The following FHIT variants were observed in gnomAD, a reference collection of about 807,000 sequenced individuals.
FHIT encodes the protein bis(5'-adenosyl)-triphosphatase.
Under a neutral mutation model 17.9 loss-of-function variants are expected in FHIT, and 19 were observed. That is an observed-to-expected ratio of 1.06 (90% CI 0.74 to 1.56). The LOEUF is 1.56. Ranked by LOEUF, FHIT falls within the 40% of genes most tolerant of loss-of-function variation. FHIT has a pLI of 0.00. For missense variants in FHIT, 248 were observed against 189.2 expected, an observed-to-expected ratio of 1.31 and a Z score of -1.82; for synonymous variants, 81 against 69.7, an observed-to-expected ratio of 1.16 and a Z score of -0.81.
At chr3:59,885,172 G>A (rs1703567393) in intron 8 of FHIT, among the ~76,000 whole-genome samples, 1 of 152,190 alleles carries the variant, frequency 6.6e-6, no homozygotes, top group Admixed American at 6.5e-5. Flanking sequence ...TCATTTGGTA[G>A]CACACAAAGT....
At chr3:60,640,534 A>ATT (rs1176382990) in intron 4 of FHIT, among the ~76,000 whole-genome samples, 1 of 152,198 alleles carries the variant, frequency 6.6e-6, no homozygotes, top group African/African-American at 2.4e-5. Context: ...TTTTGAAAAT[A>ATT]TTTATTGAGC....
At chr3:60,057,250 G>T (rs1362609094) in intron 5 of FHIT, among the ~76,000 whole-genome samples, 1 of 152,112 alleles carries the variant, frequency 6.6e-6, no homozygotes, top group Non-Finnish European at 1.5e-5. Flanking sequence ...CGCCAAAGAA[G>T]TAGACTAGGG....
chr3:60,929,418 A>C (rs1337473210), intron 3 of FHIT, among the ~76,000 whole-genome samples: 1 of 152,208 alleles, frequency 6.6e-6, no homozygotes, highest in Non-Finnish European at 1.5e-5. Context: ...GAGGAAATCC[A>C]ATTGTCCCTG....
intron 8 of FHIT, among the ~76,000 whole-genome samples, chr3:59,775,613 C>T (rs545191448): frequency 3.9e-5 from 6 of 152,300 alleles, no homozygotes; most frequent in African/African-American, 1.2e-4. Flanking sequence ...CTCAAAGATC[C>T]TTAGCTCTTT....
intron 4 of FHIT, among the ~76,000 whole-genome samples, chr3:60,576,052 C>T (rs1553657489): frequency 6.6e-6 from 1 of 152,080 alleles, no homozygotes; most frequent in Non-Finnish European, 1.5e-5. Flanking sequence ...TGTAAACTTA[C>T]ACTAATGCCT....
intron 4 of FHIT, among the ~76,000 whole-genome samples, chr3:60,693,642 C>T (rs1167454587): frequency 6.6e-6 from 1 of 152,220 alleles, no homozygotes; most frequent in Non-Finnish European, 1.5e-5. Context: ...AACACAGCAG[C>T]ACCTTCTGCC....
At chr3:60,500,033 T>A (rs927005350) in intron 5 of FHIT, among the ~76,000 whole-genome samples, 5 of 152,178 alleles carry the variant, frequency 3.3e-5, no homozygotes, top group African/African-American at 4.8e-5. Flanking sequence ...ATACCTGGGG[T>A]CTGGCACATA....
chr3:60,755,447 T>G (rs1233002673), intron 4 of FHIT, among the ~76,000 whole-genome samples: 1 of 152,210 alleles, frequency 6.6e-6, no homozygotes, highest in African/African-American at 2.4e-5. Flanking sequence ...CTTCAAATGT[T>G]GGCTCACTTA....
At chr3:59,983,898 G>T (rs1046444607) in intron 7 of FHIT, among the ~76,000 whole-genome samples, 1 of 152,112 alleles carries the variant, frequency 6.6e-6, no homozygotes, top group African/African-American at 2.4e-5. Flanking sequence ...CCAGTCATGA[G>T]GGAGGAAGAG....
At chr3:60,281,626 A>T (rs1226844254) in intron 5 of FHIT, among the ~76,000 whole-genome samples, 1 of 139,432 alleles carries the variant, frequency 7.2e-6, no homozygotes, top group Non-Finnish European at 1.6e-5. Flanking sequence ...GCCAAAAAAA[A>T]AAAAAGGGGG....
chr3:60,864,209 G>A (rs1392519019), intron 3 of FHIT, among the ~76,000 whole-genome samples: 6 of 152,098 alleles, frequency 3.9e-5, no homozygotes, highest in African/African-American at 1.4e-4. Context: ...CATGACATGT[G>A]GGGATTATGG....
chr3:60,276,687 G>A lies in FHIT; in HGVS notation c.103+260173C>T, dbSNP rs183261883. Among the ~76,000 whole-genome samples, 1,005 of 152,258 alleles carry A rather than the reference G, an allele frequency of 6.6e-3. 55 individuals are homozygous for A. The highest frequency in any genetic ancestry group is 0.057 in the Admixed American group (878 of 15,296). ...AAAGAAAAGAGGTTTATTTGGCTAT[G>A]GATCTGTAGGCTGTATAGGAAGCAT... On this transcript the variant is annotated intron_variant, in intron 5 of 9. Coordinates refer to ENST00000492590, the MANE Select transcript of FHIT (RefSeq NM_002012.4).
intron 5 of FHIT, among the ~76,000 whole-genome samples, chr3:60,032,389 T>C (rs115200987): frequency 0.014 from 2,167 of 152,070 alleles, 42 homozygotes; most frequent in African/African-American, 0.048. Flanking sequence ...GAGTTCAAAG[T>C]TGCAGTAAGC....
chr3:60,284,289 A>T (rs1327791600), intron 5 of FHIT, among the ~76,000 whole-genome samples: 5 of 152,220 alleles, frequency 3.3e-5, no homozygotes, highest in African/African-American at 1.2e-4. Flanking sequence ...TGGTAAATGT[A>T]AAGACAAATG....
intron 3 of FHIT, among the ~76,000 whole-genome samples, chr3:60,929,990 C>T (rs1707858997): frequency 6.6e-6 from 1 of 152,180 alleles, no homozygotes; most frequent in Non-Finnish European, 1.5e-5. Context: ...GTAATCAAAA[C>T]AGCATGGTAC....
At chr3:61,199,522 C>A (rs1250911231) in intron 2 of FHIT, among the ~76,000 whole-genome samples, 3 of 149,394 alleles carry the variant, frequency 2.0e-5, no homozygotes, top group Non-Finnish European at 4.4e-5. Context: ...TGCCCCAAAG[C>A]AAATCCTAAG....
rs180837752 is a variant in FHIT, at chr3:59,828,972, T to C, written c.349-76651A>G. ...TCCAAGAAAAAAAAGAAAATCTTAA[T>C]TTGTGTTTCAAAGCCTCTCTAGTTT... On this transcript the variant is annotated intron_variant, in intron 8 of 9. Transcript: ENST00000492590. Among the ~76,000 whole-genome samples the C allele has an allele frequency of 1.1e-4, 16 of 152,226 alleles. No individual in the cohort carries two copies. In the South Asian group the frequency reaches 3.1e-3, roughly 30 times the overall value.
intron 5 of FHIT, among the ~76,000 whole-genome samples, chr3:60,075,655 A>T (rs934554893): frequency 2.0e-5 from 3 of 152,080 alleles, no homozygotes; most frequent in African/African-American, 7.2e-5. Context: ...GTGGTATGGA[A>T]CATTCCCCAG....
chr3:59,890,871 A>G (rs550093604), intron 8 of FHIT, among the ~76,000 whole-genome samples: 1 of 152,244 alleles, frequency 6.6e-6, no homozygotes, highest in East Asian at 1.9e-4. Context: ...TTGCCATAGA[A>G]TTTCCTTCAT....
Sources: gnomAD v4.1 joint callset for allele counts (sites outside exome capture counted in the v4.1 genomes callset) on GRCh38, gnomAD v4.1.1 for gene constraint, MANE v1.5 for transcripts, NCBI Gene and HGNC (gene_info 2026-07-23, HGNC 2026-07-21) for gene names.